The following TMEM114 variants were observed in gnomAD, a reference collection of about 807,000 sequenced individuals.
TMEM114 encodes transmembrane protein 114, also known as claudin-26.
A neutral mutation model predicts 6.2 loss-of-function variants in TMEM114; 6 were observed. The observed-to-expected ratio is 0.97, with a 90% CI of 0.53 to 1.91. TMEM114 has a LOEUF of 1.91. Among genes scored for constraint, TMEM114 ranks in the 40% most tolerant of loss-of-function variants. The pLI is 0.01. For synonymous variants in TMEM114, 104 were observed against 73.0 expected (o/e 1.42, Z -2.16); for missense variants, 218 against 158.3 (o/e 1.38, Z -2.02).
At chr16:8,567,044 G>A, downstream of TMEM114, among the ~76,000 whole-genome samples, 1 of 149,780 alleles carries the variant, frequency 6.7e-6, no homozygotes, top group East Asian at 2.0e-4. Context: ...GGGATTACAG[G>A]CGCGTGTTAC....
intron 2 of TMEM114, among the ~76,000 whole-genome samples, chr16:8,576,747 G>C (rs1381966356): frequency 6.6e-6 from 1 of 151,476 alleles, no homozygotes; most frequent in African/African-American, 2.4e-5. Flanking sequence ...AGGAAGGAAG[G>C]AAGGAAGGAA....
chr16:8,547,260 A>G (rs1457160347), intron 2 of TMEM114, among the ~76,000 whole-genome samples: 1 of 152,212 alleles, frequency 6.6e-6, no homozygotes, highest in Non-Finnish European at 1.5e-5. Flanking sequence ...GGCAGAAAGC[A>G]TCAACCAGGA....
chr16:8,548,207 C>G (rs1009850281), intron 2 of TMEM114, among the ~76,000 whole-genome samples: 8 of 152,166 alleles, frequency 5.3e-5, no homozygotes, highest in African/African-American at 1.4e-4. Context: ...CTTAGTTAGC[C>G]TCTCCACCCC....
intron 2 of TMEM114, among the ~76,000 whole-genome samples, chr16:8,575,258 A>T (rs755903406): frequency 2.0e-5 from 3 of 152,222 alleles, no homozygotes; most frequent in Non-Finnish European, 2.9e-5. Flanking sequence ...ACACCTGCCC[A>T]CTGATCTAGA....
At chr16:8,581,169 A>T (rs1025176316) in intron 2 of TMEM114, among the ~76,000 whole-genome samples, 6 of 152,158 alleles carry the variant, frequency 3.9e-5, no homozygotes, top group African/African-American at 1.4e-4. Context: ...TTGAGGGGGG[A>T]TAATAAATGA....
intron 2 of TMEM114, among the ~76,000 whole-genome samples, chr16:8,584,914 C>T (rs1052746573): frequency 5.5e-5 from 7 of 126,620 alleles, no homozygotes; most frequent in East Asian, 2.2e-4. Flanking sequence ...AAGAGTGAAA[C>T]GCCGTCTCAA....
chr16:8,579,227 C>T (rs558163658), intron 2 of TMEM114, among the ~76,000 whole-genome samples: 4 of 152,172 alleles, frequency 2.6e-5, no homozygotes, highest in Non-Finnish European at 4.4e-5. Context: ...CTTGTGAGGT[C>T]AGGAAGCCCC....
At position 8,589,901 on chromosome 16, in the gene TMEM114, C is replaced by A; in HGVS notation, c.-63G>T. 1 of 393,294 alleles carries A rather than the reference C, an allele frequency of 2.5e-6. No individual in the cohort carries two copies. The highest frequency in any genetic ancestry group is 3.6e-5 in the East Asian group (1 of 27,656). The allele number at this position is 393,294 out of a possible 1,614,324, so 24.4% of individuals were successfully genotyped here. A position where few individuals can be genotyped will look rare whatever the true frequency, so the allele number is the denominator to read the frequency against. ...CCGCGGCGCGACCCCTCTGCTCCTG[C>A]CCCCGTCCCCAGCCGGCCACCGCGG... On this transcript the variant is annotated 5_prime_UTR_variant, in exon 1 of 4. Coordinates refer to ENST00000620492, the MANE Select transcript of TMEM114 (RefSeq NM_001146336.2).
chr16:8,552,581 C>G (rs950594369), intron 2 of TMEM114, among the ~76,000 whole-genome samples: 5 of 151,744 alleles, frequency 3.3e-5, no homozygotes, highest in African/African-American at 1.2e-4. Context: ...GATTTTCTAG[C>G]TTTGATATTG....
chr16:8,536,595 T>A (rs1318312224), downstream of TMEM114, among the ~76,000 whole-genome samples: 3 of 152,248 alleles, frequency 2.0e-5, no homozygotes, highest in Non-Finnish European at 4.4e-5. Context: ...AAGATCCCTC[T>A]GACAAAGCCA....
At chr16:8,559,232 G>T (rs912459930) in intron 2 of TMEM114, among the ~76,000 whole-genome samples, 1 of 151,948 alleles carries the variant, frequency 6.6e-6, no homozygotes, top group Non-Finnish European at 1.5e-5. Flanking sequence ...TAGCAGAGAC[G>T]GGGTTTCACC....
downstream of TMEM114, among the ~76,000 whole-genome samples, chr16:8,533,733 G>A (rs1017741685): frequency 6.6e-6 from 1 of 152,160 alleles, no homozygotes; most frequent in African/African-American, 2.4e-5. Flanking sequence ...TACCTTGAAT[G>A]TTACATTGGT....
chr16:8,568,212 A>G (rs966274332), downstream of TMEM114, among the ~76,000 whole-genome samples: 2 of 152,220 alleles, frequency 1.3e-5, no homozygotes, highest in Admixed American at 6.5e-5. Context: ...CGTATTTCAT[A>G]TGCCTCTCTC....
intron 2 of TMEM114, among the ~76,000 whole-genome samples, chr16:8,585,472 C>T (rs1277220822): frequency 6.6e-6 from 1 of 152,110 alleles, no homozygotes; most frequent in Non-Finnish European, 1.5e-5. Context: ...GGAGGCTGAA[C>T]TTAGAGAACA....
chr16:8,539,312 G>C (rs146629260), intron 2 of TMEM114, among the ~76,000 whole-genome samples: 93 of 152,264 alleles, frequency 6.1e-4, no homozygotes, highest in African/African-American at 2.2e-3. Context: ...CTCTGAGAAG[G>C]GAATAGAGGG....
At chr16:8,538,284 G>T (rs925332422) in intron 2 of TMEM114, among the ~76,000 whole-genome samples, 2 of 151,310 alleles carry the variant, frequency 1.3e-5, no homozygotes, top group African/African-American at 4.9e-5. Context: ...CCAAGATGAT[G>T]TCTCAAAAAT....
chr16:8,566,999 C>T (rs1003577661), downstream of TMEM114, among the ~76,000 whole-genome samples: 1 of 142,834 alleles, frequency 7.0e-6, no homozygotes, highest in Admixed American at 7.4e-5. Flanking sequence ...CTCCTGGGTT[C>T]AAGTGATTCT....
At chr16:8,557,233 C>T (rs916369361) in intron 2 of TMEM114, among the ~76,000 whole-genome samples, 4 of 152,170 alleles carry the variant, frequency 2.6e-5, no homozygotes, top group African/African-American at 9.7e-5. Context: ...TATATGACTT[C>T]TGAGACTAGG....
chr16:8,537,834 A>C (rs1900404174), intron 2 of TMEM114: 1 of 152,214 alleles, frequency 6.6e-6, no homozygotes, highest in South Asian at 2.1e-4. Context: ...CAGCTGTAAA[A>C]AAGAACAAGA....
Sources: allele counts gnomAD v4.1 joint callset (sites outside exome capture counted in the v4.1 genomes callset), GRCh38; gene constraint gnomAD v4.1.1; transcripts MANE v1.5; gene names NCBI Gene and HGNC (gene_info 2026-07-23, HGNC 2026-07-21).